The following ADAMTSL1 variants were observed in gnomAD, a reference collection of about 807,000 sequenced individuals.
The protein encoded by ADAMTSL1 is ADAMTS-like protein 1.
ADAMTSL1 carries 126 observed loss-of-function variants against 201.8 expected under a neutral mutation model. The observed-to-expected ratio is 0.62, with a 90% CI of 0.54 to 0.72. The LOEUF (loss-of-function observed/expected upper bound fraction) is 0.72, where lower values mean the gene tolerates loss of function less well. ADAMTSL1 is among the 30% of genes least tolerant of loss of function. ADAMTSL1 has a pLI of 0.00. For synonymous variants in ADAMTSL1, 1,121 were observed against 903.4 expected (o/e 1.24, Z -4.32); for missense variants, 2,679 against 2,277.8 (o/e 1.18, Z -3.59).
At chr9:18,713,744 C>G (rs1191439548) in intron 14 of ADAMTSL1, among the ~76,000 whole-genome samples, 1 of 149,008 alleles carries the variant, frequency 6.7e-6, no homozygotes, top group Non-Finnish European at 1.5e-5. Context: ...CTGCACCAAG[C>G]GGACCTAATA....
At chr9:18,680,773 G>A (rs776761) in intron 11 of ADAMTSL1, 52,214 of 474,152 alleles carry the variant, frequency 0.11, 3,463 homozygotes, top group East Asian at 0.21. Context: ...CAAATAGCAC[G>A]GGGAAGCAAC....
intron 1 of ADAMTSL1, among the ~76,000 whole-genome samples, chr9:18,069,587 A>G (rs1438272459): frequency 1.3e-5 from 2 of 152,228 alleles, no homozygotes; most frequent in East Asian, 3.8e-4. Context: ...GTCAAAATTT[A>G]TAGTTTAAAA....
chr9:17,913,803 G>A (rs1329336622), intron 1 of ADAMTSL1, among the ~76,000 whole-genome samples: 1 of 80,338 alleles, frequency 1.2e-5, no homozygotes, highest in African/African-American at 4.5e-5. Context: ...AAAGAGAGAA[G>A]AATCAAATAG....
intron 1 of ADAMTSL1, among the ~76,000 whole-genome samples, chr9:18,051,228 G>T (rs1216728199): frequency 6.6e-6 from 1 of 152,194 alleles, no homozygotes; most frequent in East Asian, 1.9e-4. Flanking sequence ...GTGAACCCAG[G>T]AGGAGGAGGT....
chr9:18,084,209 T>C (rs1823642371), intron 1 of ADAMTSL1, among the ~76,000 whole-genome samples: 2 of 152,144 alleles, frequency 1.3e-5, no homozygotes, highest in African/African-American at 4.8e-5. Context: ...GTCTGTTCTT[T>C]ATGTAAAATA....
At chr9:18,496,079 T>C (rs1587374252) in intron 1 of ADAMTSL1, among the ~76,000 whole-genome samples, 1 of 152,214 alleles carries the variant, frequency 6.6e-6, no homozygotes, top group Admixed American at 6.5e-5. Context: ...ACCCCTGCCT[T>C]CAAAGAGCTT....
rs776491328 is a variant in ADAMTSL1, at chr9:18,905,826, A to G, written c.4896A>G (p.Arg1632=). The change falls in exon 27 of 29, where the codon AGA becomes AGG. Residue 1632 remains arginine (R), a synonymous_variant. Coordinates refer to ENST00000380548, the MANE Select transcript of ADAMTSL1 (RefSeq NM_001040272.6). The part of the protein sequence containing the change: ...CIGPHLAVQH[R]QVFCQTRDGI... Reference sequence around the variant, plus strand: ...GGCCTCACCTAGCTGTGCAACACAGACAAGTCTTCTGCCAGACACGGGATG... The same window carrying G: ...GGCCTCACCTAGCTGTGCAACACAGGCAAGTCTTCTGCCAGACACGGGATG... 1.9e-6 allele frequency: 3 copies of G among 1,613,766 alleles called. No individual in the cohort carries two copies. Among genetic ancestry groups the G allele is most frequent in the Non-Finnish European group, 1.7e-6 (2 of 1,179,816 alleles).
intron 1 of ADAMTSL1, among the ~76,000 whole-genome samples, chr9:17,981,496 C>T (rs1818693331): frequency 6.6e-6 from 1 of 152,148 alleles, no homozygotes; most frequent in Non-Finnish European, 1.5e-5. Flanking sequence ...GCCTTATTTC[C>T]TGTGTGTCTT....
chr9:18,449,852 G>C (rs947124930), intron 2 of ADAMTSL1, among the ~76,000 whole-genome samples: 7 of 152,154 alleles, frequency 4.6e-5, no homozygotes, highest in Non-Finnish European at 1.0e-4. Flanking sequence ...CTAGTGGAAT[G>C]GCTGGCATTT....
intron 2 of ADAMTSL1, among the ~76,000 whole-genome samples, chr9:18,408,510 AC>A (rs894292995): frequency 6.6e-6 from 1 of 152,056 alleles, no homozygotes; most frequent in African/African-American, 2.4e-5. Flanking sequence ...TATATTAAGT[AC>A]CTAGTATGTG....
chr9:18,060,461 A>C (rs558043603), intron 1 of ADAMTSL1, among the ~76,000 whole-genome samples: 1 of 152,278 alleles, frequency 6.6e-6, no homozygotes, highest in South Asian at 2.1e-4. Flanking sequence ...TGAGGGTCAG[A>C]GTCTGTATGA....
At chr9:18,880,951 TAAGAGAG>T (rs1219255381) in intron 23 of ADAMTSL1, among the ~76,000 whole-genome samples, 1 of 152,230 alleles carries the variant, frequency 6.6e-6, no homozygotes, top group Admixed American at 6.5e-5. Context: ...CACTTTTATG[TAAGAGAG>T]ACTGTTTCTT....
rs182742977 is a variant in ADAMTSL1 at position 18,152,082 on chromosome 9, T to C, written c.88-11780T>C. ...TAATTATCACCACTATTCTGTAAGA[T>C]AAGTATTATTGTTCTTCCTCATTTA... On this transcript the variant is annotated intron_variant, in intron 1 of 29. Coordinates refer to the ADAMTSL1 transcript ENST00000680146. Among the ~76,000 whole-genome samples the C allele has an allele frequency of 2.2e-4, 33 of 152,232 alleles. No homozygotes were observed. In the East Asian group the frequency reaches 6.4e-3, roughly 29 times the overall value.
intron 2 of ADAMTSL1, among the ~76,000 whole-genome samples, chr9:18,350,343 A>G (rs1243319103): frequency 5.3e-5 from 8 of 152,182 alleles, no homozygotes; most frequent in Non-Finnish European, 1.2e-4. Context: ...GGGGGGAAAA[A>G]GAGGTCATAT....
At chr9:18,705,483 C>G (rs982831616) in intron 13 of ADAMTSL1, among the ~76,000 whole-genome samples, 20 of 152,022 alleles carry the variant, frequency 1.3e-4, no homozygotes, top group African/African-American at 4.8e-4. Flanking sequence ...GGGTATTTTT[C>G]TACGTTCTAG....
chr9:18,269,195 TA>T lies in ADAMTSL1; in HGVS notation c.207+105215del, dbSNP rs538177619. On this transcript the variant is annotated intron_variant, in intron 2 of 29. Coordinates refer to the ADAMTSL1 transcript ENST00000680146. ...GATATATTATGCTCAATAAAATTTGTAGACTCTTGCTTCATAGTTATTTATA... is the reference window on the plus strand; with the variant it reads ...GATATATTATGCTCAATAAAATTTGTGACTCTTGCTTCATAGTTATTTATA... 5.3e-5 allele frequency among the ~76,000 whole-genome samples: 8 copies of T among 152,302 alleles called. No individual in the cohort carries two copies. In the South Asian group the frequency reaches 1.7e-3, roughly 32 times the overall value.
intron 4 of ADAMTSL1, among the ~76,000 whole-genome samples, chr9:18,587,515 A>G (rs1587647942): frequency 2.0e-5 from 3 of 152,256 alleles, no homozygotes; most frequent in Admixed American, 1.3e-4. Context: ...TTTTCTAGCT[A>G]TTTGGAAATA....
At chr9:18,290,997 G>C (rs1379403211) in intron 2 of ADAMTSL1, among the ~76,000 whole-genome samples, 1 of 151,968 alleles carries the variant, frequency 6.6e-6, no homozygotes, top group African/African-American at 2.4e-5. Context: ...TAGCCAGGAT[G>C]GTCTCTGTCT....
chr9:18,604,163 A>T (rs947596829), intron 4 of ADAMTSL1, among the ~76,000 whole-genome samples: 21 of 152,214 alleles, frequency 1.4e-4, no homozygotes, highest in Admixed American at 9.8e-4. Flanking sequence ...AAGAACAAAG[A>T]ATTTGCTTAC....
Sources: allele counts gnomAD v4.1 joint callset (sites outside exome capture counted in the v4.1 genomes callset), GRCh38; gene constraint gnomAD v4.1.1; transcripts MANE v1.5; gene names NCBI Gene and HGNC (gene_info 2026-07-23, HGNC 2026-07-21).